STX18: variants seen among roughly 807,000 people sequenced by gnomAD.
STX18 encodes syntaxin-18.
STX18 carries 40 observed loss-of-function variants against 50.1 expected under a neutral mutation model. The ratio of observed to expected loss-of-function variants is 0.80; its 90% CI spans 0.62 to 1.04. The LOEUF is 1.04. Ranked by LOEUF, STX18 falls within the 50% of genes least tolerant of loss-of-function variation. STX18 has a pLI of 0.00. For missense variants in STX18, 410 were observed against 415.8 expected (o/e 0.99, Z 0.12); for synonymous variants, 158 against 151.8 (o/e 1.04, Z -0.30).
chr4:4,424,885 C>T (rs562491429), intron 8 of STX18, among the ~76,000 whole-genome samples: 196 of 152,212 alleles, frequency 1.3e-3, no homozygotes, highest in African/African-American at 4.3e-3. Flanking sequence ...GGAAATTATA[C>T]GCAGGTAATC....
chr4:4,501,249 G>C (rs1435687430), intron 1 of STX18, among the ~76,000 whole-genome samples: 2 of 152,086 alleles, frequency 1.3e-5, no homozygotes, highest in East Asian at 3.9e-4. Flanking sequence ...GAGTTACAAA[G>C]TTAAAAGTTA....
At chr4:4,450,625 A>G (rs1333875750) in intron 5 of STX18, among the ~76,000 whole-genome samples, 16 of 151,828 alleles carry the variant, frequency 1.1e-4, no homozygotes, top group Non-Finnish European at 2.9e-5. Context: ...TTATTATTTG[A>G]TCTATTCTCC....
chr4:4,489,601 G>A (rs1282098734), intron 1 of STX18, among the ~76,000 whole-genome samples: 1 of 151,436 alleles, frequency 6.6e-6, no homozygotes, highest in Admixed American at 6.6e-5. Context: ...CATCTTCTTT[G>A]TTTGGAAATA....
At chr4:4,430,434 G>A (rs1164742645) in intron 7 of STX18, among the ~76,000 whole-genome samples, 1 of 152,172 alleles carries the variant, frequency 6.6e-6, no homozygotes, top group Non-Finnish European at 1.5e-5. Context: ...GAAGTTAACT[G>A]GACATTAAAT....
At chr4:4,431,212 A>C (rs1014714805) in intron 7 of STX18, among the ~76,000 whole-genome samples, 1 of 152,252 alleles carries the variant, frequency 6.6e-6, no homozygotes, top group African/African-American at 2.4e-5. Context: ...CCCAACACAG[A>C]AGGTAAACTC....
chr4:4,502,406 T>C (rs933323902), intron 1 of STX18, among the ~76,000 whole-genome samples: 1 of 152,164 alleles, frequency 6.6e-6, no homozygotes, highest in South Asian at 2.1e-4. Context: ...TAGGAGTCAA[T>C]AAAAACTGTC....
At chr4:4,521,895 A>G (rs1485886217) in intron 1 of STX18, among the ~76,000 whole-genome samples, 2 of 152,228 alleles carry the variant, frequency 1.3e-5, no homozygotes. Flanking sequence ...ATGTTTATAA[A>G]ATCATAGTTC....
At chr4:4,473,515 G>A (rs1407885268) in intron 1 of STX18, among the ~76,000 whole-genome samples, 3 of 151,890 alleles carry the variant, frequency 2.0e-5, no homozygotes, top group Non-Finnish European at 4.4e-5. Flanking sequence ...GGATGGTCCC[G>A]ATCTCCGGAC....
chr4:4,508,406 T>C (rs1396449430), intron 1 of STX18, among the ~76,000 whole-genome samples: 2 of 152,192 alleles, frequency 1.3e-5, no homozygotes. Flanking sequence ...ATCTTGTTTT[T>C]TTTTGTGTGT....
At chr4:4,453,699 T>C (rs1485658289) in intron 5 of STX18, 2 of 980,550 alleles carry the variant, frequency 2.0e-6, no homozygotes, top group African/African-American at 1.7e-5. Flanking sequence ...ATATTTTTGA[T>C]ATATAATATC....
At chr4:4,506,346 T>C (rs1729705957) in intron 1 of STX18, among the ~76,000 whole-genome samples, 1 of 152,234 alleles carries the variant, frequency 6.6e-6, no homozygotes, top group South Asian at 2.1e-4. Context: ...TAACGGATAC[T>C]ACTTAGTAAT....
chr4:4,442,803 TAAA>T (rs71169645), intron 5 of STX18, among the ~76,000 whole-genome samples: 2,819 of 100,606 alleles, frequency 0.028, 93 homozygotes, highest in African/African-American at 0.084. Flanking sequence ...ACAAGTTTAT[TAAA>T]AAAAAAAAAA....
intron 9 of STX18, 151 bp from the exon 10 acceptor site, chr4:4,421,095 A>AG: frequency 1.4e-6 from 1 of 724,344 alleles, no homozygotes; most frequent in Non-Finnish European, 2.3e-6. Flanking sequence ...TTTGAAGTTT[A>AG]GGGATGCTTG....
chr4:4,455,725 T>C (rs1727027403), intron 5 of STX18, among the ~76,000 whole-genome samples: 1 of 152,226 alleles, frequency 6.6e-6, no homozygotes, highest in Non-Finnish European at 1.5e-5. Flanking sequence ...AATGAGTTAC[T>C]AATGAGCTTC....
chr4:4,530,901 C>G (rs1052497187), intron 1 of STX18, among the ~76,000 whole-genome samples: 1 of 152,122 alleles, frequency 6.6e-6, no homozygotes, highest in African/African-American at 2.4e-5. Flanking sequence ...GCCACCATAC[C>G]CGGTCAAACT....
At chr4:4,476,602 A>G (rs1728186985) in intron 1 of STX18, among the ~76,000 whole-genome samples, 1 of 152,212 alleles carries the variant, frequency 6.6e-6, no homozygotes, top group Non-Finnish European at 1.5e-5. Flanking sequence ...CCTACTTAAT[A>G]TTTAGTGATA....
At chr4:4,446,559 T>C (rs927278986) in intron 5 of STX18, among the ~76,000 whole-genome samples, 1 of 152,202 alleles carries the variant, frequency 6.6e-6, no homozygotes, top group South Asian at 2.1e-4. Context: ...GAAAAGGTGA[T>C]TAACAATATT....
chr4:4,528,932 GAAA>G (rs1234441611), intron 1 of STX18, among the ~76,000 whole-genome samples: 3 of 152,220 alleles, frequency 2.0e-5, no homozygotes, highest in Non-Finnish European at 4.4e-5. Flanking sequence ...CCCAACAACA[GAAA>G]AGGGAATTAC....
intron 1 of STX18, among the ~76,000 whole-genome samples, chr4:4,475,782 ATTTTTCT>A (rs1013712730): frequency 1.3e-5 from 2 of 151,948 alleles, no homozygotes; most frequent in African/African-American, 4.8e-5. Flanking sequence ...TATGCTTTGG[ATTTTTCT>A]TTTTTCTTTT....
Sources: allele counts gnomAD v4.1 joint callset (sites outside exome capture counted in the v4.1 genomes callset), GRCh38; gene constraint gnomAD v4.1.1; transcripts MANE v1.5; gene names NCBI Gene and HGNC (gene_info 2026-07-23, HGNC 2026-07-21).